SDC3: variants seen among roughly 807,000 people sequenced by gnomAD.
The protein encoded by SDC3 is syndecan-3.
In SDC3, 13 loss-of-function variants were observed where a neutral mutation model predicts 24.4. That is an observed-to-expected ratio of 0.53 (90% CI 0.35 to 0.85). The LOEUF is 0.85. Among genes scored for constraint, SDC3 ranks in the 40% least tolerant of loss-of-function variants. The pLI is 0.01. For synonymous variants in SDC3, 295 were observed against 260.9 expected, an observed-to-expected ratio of 1.13 and a Z score of -1.26; for missense variants, 571 against 584.5, an observed-to-expected ratio of 0.98 and a Z score of 0.24.
At chr1:30,898,348 G>A (rs1275300210) in intron 1 of SDC3, among the ~76,000 whole-genome samples, 1 of 152,104 alleles carries the variant, frequency 6.6e-6, no homozygotes, top group Non-Finnish European at 1.5e-5. Context: ...AGTCTTCCTA[G>A]TCTTCAGGGT....
At position 30,905,125 on chromosome 1, in the gene SDC3, G is replaced by A. The variant is rs188631685; in HGVS notation, c.138+3324C>T. ...CAAGAGCCTGGCCCAGAACAGCCCA[G>A]GGGCCCCCAACTTTCCATTTTTTTG... On this transcript the variant is annotated intron_variant, in intron 1 of 4. Transcript: ENST00000339394. Among the ~76,000 whole-genome samples, 145 of 152,114 alleles carry A rather than the reference G, an allele frequency of 9.5e-4. 1 individual carries two copies. Among genetic ancestry groups the A allele is most frequent in the African/African-American group, 3.3e-3 (137 of 41,516 alleles).
At position 30,876,677 on chromosome 1, in the gene SDC3, C is replaced by G; in HGVS notation, c.745G>C (p.Val249Leu). The G allele has an allele frequency of 6.2e-7, 1 of 1,602,980 alleles. No homozygotes were observed. Among genetic ancestry groups the G allele is most frequent in the Non-Finnish European group, 8.5e-7 (1 of 1,174,524 alleles). ...CTTGGCCGGGAGGTAGCTGTGCTGA[C>G]CAGCCTGGGTGTTGGGGCCTCGGTG... ...LDTEAPTPRLVSTATSRPRAL... is the reference protein window; with the variant it reads ...LDTEAPTPRLLSTATSRPRAL... The change falls in exon 3 of 5, where the codon GTC becomes CTC. Residue 249 changes from valine (V) to leucine (L), a missense_variant. Transcript: ENST00000339394.
chr1:30,903,094 G>A (rs551151374), intron 1 of SDC3, among the ~76,000 whole-genome samples: 1 of 152,272 alleles, frequency 6.6e-6, no homozygotes, highest in South Asian at 2.1e-4. Context: ...CTGACAGCTG[G>A]GGGACCCCCA....
At chr1:30,874,734 C>T in intron 3 of SDC3, 146 bp from the exon 4 acceptor site, 1 of 750,858 alleles carries the variant, frequency 1.3e-6, no homozygotes, top group Non-Finnish European at 2.2e-6. Context: ...AGGAGTGTAA[C>T]AATGCCCCCA....
Position 30,873,160 on chromosome 1 carries a change from G to A in SDC3, c.*51C>T. On this transcript the variant is annotated 3_prime_UTR_variant, in exon 5 of 5. Coordinates refer to ENST00000339394, the MANE Select transcript of SDC3 (RefSeq NM_014654.4). ...GCTTGGGCTGGTGGGGCCAGGCTGGGGACTGGACAGCAGGGTGGTGTTGAG... is the reference window on the plus strand; with the variant it reads ...GCTTGGGCTGGTGGGGCCAGGCTGGAGACTGGACAGCAGGGTGGTGTTGAG... The A allele has an allele frequency of 7.1e-7, 1 of 1,407,850 alleles. No homozygotes were observed. The highest frequency in any genetic ancestry group is 2.0e-4 in the Middle Eastern group (1 of 5,122). 87.2% of individuals were successfully genotyped at this position (1,407,850 alleles called of 1,614,324 possible).
intron 1 of SDC3, among the ~76,000 whole-genome samples, chr1:30,905,270 G>A (rs1344972819): frequency 1.3e-5 from 2 of 151,476 alleles, no homozygotes; most frequent in Non-Finnish European, 2.9e-5. Context: ...CAGGCCTGGG[G>A]CTGAGCTTCA....
chr1:30,877,058 C>G lies in SDC3; in HGVS notation c.364G>C (p.Val122Leu), dbSNP rs970997426. 1 of 1,613,960 alleles carries G rather than the reference C, an allele frequency of 6.2e-7. No homozygotes were observed. Among genetic ancestry groups the G allele is most frequent in the Non-Finnish European group, 8.5e-7 (1 of 1,179,974 alleles). Residue 122 changes from valine to leucine, a missense_variant, in exon 3 of 5, where the codon GTG becomes CTG. Transcript: ENST00000339394. ...GGGAGCTCTTCAAATGGTGTGCCCA[C>G]AGGCTGGATGTTCGTGGTGGGCAGC... is the stretch of plus-strand genomic sequence containing the variant. Reference protein sequence around the residue: ...AVLPTTNIQPVGTPFEELPSE... With the variant: ...AVLPTTNIQPLGTPFEELPSE...
chr1:30,908,597 C>T lies in SDC3; in HGVS notation c.-11G>A. The T allele has an allele frequency of 1.0e-6, 1 of 967,094 alleles. No individual in the cohort carries two copies. The highest frequency in any genetic ancestry group is 1.2e-6 in the Non-Finnish European group (1 of 820,152). 59.9% of individuals were successfully genotyped at this position (967,094 alleles called of 1,614,324 possible). ...CGGCCCCGGCTTCATGGCGGCGGCG[C>T]GGGCGCGGGCGGCGGGCGGCGGGCG... is the stretch of plus-strand genomic sequence containing the variant. On this transcript the variant is annotated 5_prime_UTR_variant, in exon 1 of 5. Coordinates refer to ENST00000339394, the MANE Select transcript of SDC3 (RefSeq NM_014654.4).
chr1:30,874,592 C>A lies in SDC3; in HGVS notation c.871-4G>T, dbSNP rs188640187. On this transcript the variant is annotated splice_polypyrimidine_tract_variant and splice_region_variant and intron_variant, in intron 3 of 4. Transcript: ENST00000339394. ...GGAAGGTCTCTGGAGTTGGGGTCTG[C>A]AGAGAGGGTGGCATGAGCCCAGGAC... 2.8e-3 allele frequency: 4,589 copies of A among 1,612,998 alleles called. 81 individuals carry two copies. The highest frequency in any genetic ancestry group is 2.0e-3 in the East Asian group (91 of 44,868).
intron 1 of SDC3, among the ~76,000 whole-genome samples, chr1:30,904,836 T>C (rs188039676): frequency 3.9e-5 from 6 of 152,156 alleles, no homozygotes; most frequent in Admixed American, 1.3e-4. Context: ...AAAGGTCCCA[T>C]CTCCTGAGAG....
rs765170436 is a variant in SDC3, at chr1:30,878,755, G to T, written c.139-15C>A. The T allele has an allele frequency of 3.7e-6, 6 of 1,609,934 alleles. No homozygotes were observed. On this transcript the variant is annotated splice_polypyrimidine_tract_variant and intron_variant, in intron 1 of 4. Coordinates refer to ENST00000339394, the MANE Select transcript of SDC3 (RefSeq NM_014654.4). Reference sequence around the variant, plus strand: ...CAGCGCTGGGCCTAGGGAAGGTAGAGGTGGACACAGGGCTCGGCACCCGAG... The same window carrying T: ...CAGCGCTGGGCCTAGGGAAGGTAGATGTGGACACAGGGCTCGGCACCCGAG...
chr1:30,877,152 C>T lies in SDC3; in HGVS notation c.270G>A (p.Glu90=). 1 of 1,613,862 alleles carries T rather than the reference C, an allele frequency of 6.2e-7. No homozygotes were observed. The highest frequency in any genetic ancestry group is 8.5e-7 in the Non-Finnish European group (1 of 1,179,988). Residue 90 remains glutamate (E), a synonymous_variant, in exon 3 of 5, where the codon GAG becomes GAA. Coordinates refer to ENST00000339394, the MANE Select transcript of SDC3 (RefSeq NM_014654.4). ...SGSGSGYFEQ[E]SGIETAMRFS... is the part of the protein sequence containing the mutation. ...AGCGCATGGCTGTCTCAATGCCCGA[C>T]TCCTGCTCGAAGTCTGAGGGGGTGG... is the stretch of plus-strand genomic sequence containing the variant.
At chr1:30,874,929 T>C (rs1049318170) in intron 3 of SDC3, among the ~76,000 whole-genome samples, 2 of 152,214 alleles carry the variant, frequency 1.3e-5, no homozygotes, top group African/African-American at 4.8e-5. Context: ...TCCAGCTGCC[T>C]TAGTAACAAT....
chr1:30,889,962 T>C (rs1008138752), intron 1 of SDC3, among the ~76,000 whole-genome samples: 11 of 152,130 alleles, frequency 7.2e-5, no homozygotes, highest in Admixed American at 2.6e-4. Context: ...GATGAATGAA[T>C]AAATAAAATG....
At chr1:30,903,571 A>G (rs1638455888) in intron 1 of SDC3, among the ~76,000 whole-genome samples, 1 of 152,098 alleles carries the variant, frequency 6.6e-6, no homozygotes, top group Non-Finnish European at 1.5e-5. Flanking sequence ...GAGGCGGTAG[A>G]TGAGGAAGAG....
intron 1 of SDC3, among the ~76,000 whole-genome samples, chr1:30,884,684 C>T (rs1460558396): frequency 6.6e-6 from 1 of 152,226 alleles, no homozygotes; most frequent in African/African-American, 2.4e-5. Context: ...TCCTCTTCCC[C>T]CTTCTCTGCC....
Position 30,869,599 on chromosome 1 carries a change from G to T in SDC3, c.*3612C>A. 2.5e-6 allele frequency: 1 copy of T among 397,972 alleles called. No individual in the cohort carries two copies. The highest frequency in any genetic ancestry group is 4.4e-6 in the Non-Finnish European group (1 of 226,026). The allele number at this position is 397,972 out of a possible 1,614,324, so 24.7% of individuals were successfully genotyped here. A position where few individuals can be genotyped will look rare whatever the true frequency, so the allele number is the denominator to read the frequency against. ...CAGTTCCTTCACAAGGCTGGAACAG[G>T]AGAGTACCCGCAGTGGGGCAGGCGC... On this transcript the variant is annotated 3_prime_UTR_variant, in exon 5 of 5. Transcript: ENST00000339394.
intron 1 of SDC3, among the ~76,000 whole-genome samples, chr1:30,889,995 A>G (rs766607116): frequency 6.6e-6 from 1 of 152,246 alleles, no homozygotes; most frequent in Non-Finnish European, 1.5e-5. Flanking sequence ...ACAATGGAAT[A>G]TTATTTGGCA....
chr1:30,905,921 G>A (rs1638509941), intron 1 of SDC3, among the ~76,000 whole-genome samples: 1 of 148,536 alleles, frequency 6.7e-6, no homozygotes. Context: ...TGTGAATGAG[G>A]CCTGCTCTCC....
Sources: gnomAD v4.1 joint callset for allele counts (sites outside exome capture counted in the v4.1 genomes callset) on GRCh38, gnomAD v4.1.1 for gene constraint, MANE v1.5 for transcripts, NCBI Gene and HGNC (gene_info 2026-07-23, HGNC 2026-07-21) for gene names.